FRAS1: variants seen among roughly 807,000 people sequenced by gnomAD.
The protein encoded by FRAS1 is extracellular matrix organizing protein FRAS1.
Under a neutral mutation model 435.2 loss-of-function variants are expected in FRAS1, and 290 were observed. That is an observed-to-expected ratio of 0.67 (90% CI 0.61 to 0.73). The LOEUF (loss-of-function observed/expected upper bound fraction) is 0.73. Among genes scored for constraint, FRAS1 ranks in the 30% least tolerant of loss-of-function variants. The pLI is 0.00. For missense variants in FRAS1, 4,860 were observed against 5,001.5 expected, an observed-to-expected ratio of 0.97 and a Z score of 0.85; for synonymous variants, 1,800 against 1,851.0, an observed-to-expected ratio of 0.97 and a Z score of 0.71.
chr4:78,171,362 A>G (rs565439632), intron 2 of FRAS1, among the ~76,000 whole-genome samples: 22 of 152,228 alleles, frequency 1.4e-4, no homozygotes, highest in Admixed American at 9.8e-4. Context: ...TCCCTTAATC[A>G]CCATTCTCTA....
At chr4:78,324,128 GT>G (rs1183812900) in intron 18 of FRAS1, among the ~76,000 whole-genome samples, 1 of 151,922 alleles carries the variant, frequency 6.6e-6, no homozygotes, top group Non-Finnish European at 1.5e-5. Context: ...AAACATCCTC[GT>G]TTTTGTTTTT....
At chr4:78,252,913 G>A (rs958838803) in intron 5 of FRAS1, among the ~76,000 whole-genome samples, 6 of 152,258 alleles carry the variant, frequency 3.9e-5, no homozygotes, top group South Asian at 4.2e-4. Flanking sequence ...TCTGTGTCCC[G>A]CTGTGCACGT....
intron 65 of FRAS1, 136 bp from the exon 66 acceptor site, chr4:78,515,662 AG>A: frequency 1.4e-6 from 1 of 701,232 alleles, no homozygotes; most frequent in Non-Finnish European, 2.4e-6. Flanking sequence ...GCACATTGGG[AG>A]CCCTGGGTTG....
At chr4:78,396,750 A>G (rs1333343894) in intron 29 of FRAS1, among the ~76,000 whole-genome samples, 2 of 152,190 alleles carry the variant, frequency 1.3e-5, no homozygotes, top group Non-Finnish European at 2.9e-5. Context: ...ATAGTTTCAA[A>G]TGATCTGTCT....
At chr4:78,263,114 G>A (rs572251824) in intron 6 of FRAS1, among the ~76,000 whole-genome samples, 2 of 152,168 alleles carry the variant, frequency 1.3e-5, no homozygotes, top group Non-Finnish European at 2.9e-5. Context: ...TAGAATTCAG[G>A]TGTATGGTAA....
intron 8 of FRAS1, 43 bp from the exon 9 acceptor site, chr4:78,267,198 C>A (rs377430633): frequency 3.8e-6 from 6 of 1,584,660 alleles, no homozygotes; most frequent in South Asian, 2.3e-5. Context: ...GGTGTTTCAC[C>A]GTCTCCTGAG....
At chr4:78,309,886 A>G (rs1330593071) in intron 15 of FRAS1, among the ~76,000 whole-genome samples, 2 of 152,212 alleles carry the variant, frequency 1.3e-5, no homozygotes, top group Admixed American at 6.5e-5. Context: ...CACCAAATCA[A>G]TAAAAATGTG....
chr4:78,105,152 T>C (rs1342240261), intron 2 of FRAS1, among the ~76,000 whole-genome samples: 1 of 152,156 alleles, frequency 6.6e-6, no homozygotes, highest in African/African-American at 2.4e-5. Context: ...GTGCTTACCT[T>C]TGTTCTGAAG....
At chr4:78,277,242 T>C (rs1441793653) in intron 9 of FRAS1, among the ~76,000 whole-genome samples, 3 of 152,278 alleles carry the variant, frequency 2.0e-5, no homozygotes, top group African/African-American at 7.2e-5. Context: ...GAAAGGGAAT[T>C]CCCTGACCCC....
intron 41 of FRAS1, chr4:78,444,166 C>T: frequency 2.2e-6 from 1 of 455,636 alleles, no homozygotes; most frequent in Non-Finnish European, 4.4e-6. Context: ...CTACTTGGGC[C>T]ATTTTTGACT....
At position 78,452,318 on chromosome 4, in the gene FRAS1, C is replaced by T. The variant is rs764783509; in HGVS notation, c.6727C>T (p.Pro2243Ser). 37 of 1,610,024 alleles carry T rather than the reference C, an allele frequency of 2.3e-5. No individual in the cohort carries two copies. Among genetic ancestry groups the T allele is most frequent in the Non-Finnish European group, 3.1e-5 (36 of 1,178,932 alleles). The stretch of plus-strand genomic sequence containing the variant: ...ATTGATCTACAGAATCACCAGACAG[C>T]CCCAGCTGGGCCACTTGGAACATGC... Reference protein sequence around the residue: ...TELIYRITRQPQLGHLEHAAS... With the variant: ...TELIYRITRQSQLGHLEHAAS... Residue 2243 changes from proline to serine, a missense_variant, in exon 47 of 74, where the codon CCC becomes TCC. Pro to Ser is a moderately conservative substitution (Grantham distance 74). Transcript: ENST00000512123.
At chr4:78,183,297 G>A (rs1215999115) in intron 2 of FRAS1, among the ~76,000 whole-genome samples, 1 of 152,148 alleles carries the variant, frequency 6.6e-6, no homozygotes, top group Non-Finnish European at 1.5e-5. Flanking sequence ...TCTAGGGCAG[G>A]TATTTTAATT....
At chr4:78,526,896 G>A (rs1283066556) in intron 70 of FRAS1, among the ~76,000 whole-genome samples, 1 of 152,054 alleles carries the variant, frequency 6.6e-6, no homozygotes, top group Non-Finnish European at 1.5e-5. Context: ...AGCATCCTAT[G>A]CACAGTCTAT....
chr4:78,261,642 C>T (rs752764605), intron 6 of FRAS1, among the ~76,000 whole-genome samples: 3 of 146,860 alleles, frequency 2.0e-5, no homozygotes, highest in African/African-American at 7.5e-5. Flanking sequence ...CCCTTATCTC[C>T]GAAGACACAG....
At chr4:78,302,028 C>T (rs1251932106) in intron 14 of FRAS1, among the ~76,000 whole-genome samples, 1 of 151,540 alleles carries the variant, frequency 6.6e-6, no homozygotes, top group Non-Finnish European at 1.5e-5. Flanking sequence ...CAACAGTCAC[C>T]AGAGTGTGAT....
At chr4:78,249,432 C>T (rs1259683324) in intron 4 of FRAS1, among the ~76,000 whole-genome samples, 7 of 141,920 alleles carry the variant, frequency 4.9e-5, no homozygotes, top group South Asian at 2.4e-4. Flanking sequence ...AAGTGATTCT[C>T]GTGCCTCAGC....
chr4:78,477,743 A>G, intron 54 of FRAS1, 72 bp from the exon 55 acceptor site: 5 of 1,541,872 alleles, frequency 3.2e-6, no homozygotes, highest in Non-Finnish European at 4.4e-6. Context: ...CTCTTTTCCT[A>G]TGATGCCCTG....
chr4:78,197,179 C>A (rs1376954404), intron 2 of FRAS1, among the ~76,000 whole-genome samples: 2 of 152,134 alleles, frequency 1.3e-5, no homozygotes, highest in Non-Finnish European at 1.5e-5. Flanking sequence ...TACTCTTACC[C>A]CACACTTCCT....
intron 30 of FRAS1, among the ~76,000 whole-genome samples, chr4:78,403,907 T>C (rs1013337084): frequency 6.6e-6 from 1 of 152,194 alleles, no homozygotes; most frequent in Non-Finnish European, 1.5e-5. Flanking sequence ...AAATATCTCA[T>C]GTAACTTATT....
Sources: allele counts gnomAD v4.1 joint callset (sites outside exome capture counted in the v4.1 genomes callset), GRCh38; gene constraint gnomAD v4.1.1; transcripts MANE v1.5; gene names NCBI Gene and HGNC (gene_info 2026-07-23, HGNC 2026-07-21).